The following ZMYM2 variants were observed in gnomAD, a reference collection of about 807,000 sequenced individuals.
ZMYM2 encodes the protein zinc finger MYM-type protein 2.
In ZMYM2, 56 loss-of-function variants were observed where a neutral mutation model predicts 162.8. That is an observed-to-expected ratio of 0.34 (90% CI 0.28 to 0.43). ZMYM2 has a LOEUF of 0.43. Ranked by LOEUF, ZMYM2 falls within the 20% of genes least tolerant of loss-of-function variation. ZMYM2 has a pLI of 1.00. For synonymous variants in ZMYM2, 510 were observed against 541.6 expected, an observed-to-expected ratio of 0.94 and a Z score of 0.81; for missense variants, 1,275 against 1,621.8, an observed-to-expected ratio of 0.79 and a Z score of 3.67.
At chr13:20,047,053 CTG>C (rs1411957625) in intron 12 of ZMYM2, among the ~76,000 whole-genome samples, 1 of 152,036 alleles carries the variant, frequency 6.6e-6, no homozygotes, top group Non-Finnish European at 1.5e-5. Context: ...TTATACTAAT[CTG>C]AGGAATAAAG....
rs1447256271 is a variant in ZMYM2, at chr13:20,007,302, AT to A, written c.1512+722del. 2.0e-5 allele frequency among the ~76,000 whole-genome samples: 3 copies of A among 151,692 alleles called. No individual in the cohort carries two copies. In the East Asian group the frequency reaches 5.8e-4, roughly 30 times the overall value. ...AGGCATGCGCCACCACACCCGGCTA[AT>A]TTTTTGTATTTTTAGTAGAAACGGG... On this transcript the variant is annotated intron_variant, in intron 6 of 24. Transcript: ENST00000610343.
At chr13:19,912,761 C>G in the ZMYM2 span, among the ~76,000 whole-genome samples, 6 of 152,094 alleles carry the variant, frequency 3.9e-5, no homozygotes, top group Admixed American at 3.9e-4. Flanking sequence ...ACTGGTAAGC[C>G]ACTTACATAT....
chr13:20,010,613 T>A (rs1951093729), intron 6 of ZMYM2, among the ~76,000 whole-genome samples: 1 of 151,552 alleles, frequency 6.6e-6, no homozygotes, highest in African/African-American at 2.4e-5. Context: ...AGTTCTTTTT[T>A]CTCTTTTTGT....
intron 6 of ZMYM2, among the ~76,000 whole-genome samples, chr13:20,009,034 A>T (rs1950967581): frequency 6.6e-6 from 1 of 152,180 alleles, no homozygotes; most frequent in East Asian, 1.9e-4. Context: ...TAATCAGGAA[A>T]AGAGGTTTAA....
At chr13:19,901,209 A>G in the ZMYM2 span, among the ~76,000 whole-genome samples, 1 of 152,142 alleles carries the variant, frequency 6.6e-6, no homozygotes. Flanking sequence ...GAGCTTCAAC[A>G]TATGAACTTT....
intron 2 of ZMYM2, chr13:19,965,086 TA>T (rs11365422): frequency 0.67 from 188,171 of 282,846 alleles, 57,951 homozygotes; most frequent in Admixed American, 0.81. Context: ...TAAAGTATAA[TA>T]AAAAAAAAAA....
At chr13:19,883,237 G>A in the ZMYM2 span, among the ~76,000 whole-genome samples, 2 of 152,288 alleles carry the variant, frequency 1.3e-5, no homozygotes, top group South Asian at 2.1e-4. Flanking sequence ...TTTCCAGGGG[G>A]TGGAAAAGTG....
chr13:19,971,228 A>ATG (rs10629393), intron 2 of ZMYM2, among the ~76,000 whole-genome samples: 2,979 of 58,636 alleles, frequency 0.051, 197 homozygotes, highest in African/African-American at 0.12. Flanking sequence ...GTTTATATAT[A>ATG]TGTGTGTGTG....
chr13:20,034,325 T>C lies in ZMYM2; in HGVS notation c.2040T>C (p.Tyr680=), dbSNP rs79833154. 105,380 of 1,610,422 alleles carry C rather than the reference T, an allele frequency of 0.065. 5,193 individuals are homozygous for C. Among genetic ancestry groups the C allele is most frequent in the African/African-American group, 0.22 (16,532 of 74,704 alleles). The change falls in exon 11 of 25, where the codon TAT becomes TAC. Residue 680 remains tyrosine, a synonymous_variant. Coordinates refer to ENST00000610343, the MANE Select transcript of ZMYM2 (RefSeq NM_197968.4). ...DYKKLHCIVT[Y]CEYCQEEKTL... ...AGAAGTTGCATTGCATAGTTACATA[T>C]TGCGAATACTGTCAAGAGGAGAAGA...
chr13:19,970,600 C>CAAAA (rs11365281), intron 2 of ZMYM2, among the ~76,000 whole-genome samples: 53 of 88,070 alleles, frequency 6.0e-4, no homozygotes, highest in South Asian at 1.4e-3. Context: ...AACCCCAAAC[C>CAAAA]AAAAAAAAAA....
chr13:19,928,476 C>T, the ZMYM2 span, among the ~76,000 whole-genome samples: 5 of 151,994 alleles, frequency 3.3e-5, no homozygotes, highest in African/African-American at 4.8e-5. Flanking sequence ...CTTTTTCTAT[C>T]GTTATCATTC....
intron 12 of ZMYM2, 107 bp downstream of exon 12, chr13:20,037,016 T>C: frequency 9.2e-7 from 1 of 1,081,976 alleles, no homozygotes; most frequent in South Asian, 2.0e-5. Context: ...ATGTACACAC[T>C]TAAGGCCCAG....
chr13:20,055,655 A>G (rs893036109), intron 14 of ZMYM2, among the ~76,000 whole-genome samples: 4 of 152,204 alleles, frequency 2.6e-5, no homozygotes, highest in Admixed American at 2.0e-4. Context: ...GTATTAATGA[A>G]TCAACATTAT....
chr13:19,992,997 GT>G, intron 2 of ZMYM2, 65 bp from the exon 3 acceptor site: 1 of 1,480,272 alleles, frequency 6.8e-7, no homozygotes, highest in Non-Finnish European at 9.0e-7. Context: ...TAAATCAATG[GT>G]TTCAGTTAGA....
At chr13:20,064,021 G>A (rs1956482003) in intron 18 of ZMYM2, among the ~76,000 whole-genome samples, 1 of 148,220 alleles carries the variant, frequency 6.7e-6, no homozygotes, top group African/African-American at 2.5e-5. Flanking sequence ...ATTATTTTCA[G>A]GTCTTTTGTA....
At chr13:19,994,178 A>G (rs1042838206) in intron 3 of ZMYM2, among the ~76,000 whole-genome samples, 10 of 152,238 alleles carry the variant, frequency 6.6e-5, no homozygotes, top group Non-Finnish European at 1.2e-4. Context: ...CTTTACATTC[A>G]TCACCAAAGT....
At chr13:19,914,415 C>T in the ZMYM2 span, among the ~76,000 whole-genome samples, 6 of 152,180 alleles carry the variant, frequency 3.9e-5, no homozygotes, top group African/African-American at 1.4e-4. Context: ...AGCTCAGCAA[C>T]ATGAACTTCC....
the ZMYM2 span, among the ~76,000 whole-genome samples, chr13:19,884,566 C>G: frequency 6.6e-6 from 1 of 151,894 alleles, no homozygotes; most frequent in African/African-American, 2.4e-5. Flanking sequence ...GAGAAGGAAA[C>G]CTGTATCAAA....
the ZMYM2 span, among the ~76,000 whole-genome samples, chr13:19,926,704 T>C: frequency 1.3e-5 from 2 of 151,806 alleles, no homozygotes; most frequent in African/African-American, 4.8e-5. Context: ...GTCCCACTCT[T>C]TCACACAGGC....
Sources: allele counts gnomAD v4.1 joint callset (sites outside exome capture counted in the v4.1 genomes callset), GRCh38; gene constraint gnomAD v4.1.1; transcripts MANE v1.5; gene names NCBI Gene and HGNC (gene_info 2026-07-23, HGNC 2026-07-21).